Variants in RBFOX3 observed in about 807,000 individuals in gnomAD.
RBFOX3 encodes the protein RNA binding fox-1 homolog 3.
Under a neutral mutation model 48.7 loss-of-function variants are expected in RBFOX3, and 17 were observed. The observed-to-expected ratio is 0.35, with a 90% CI of 0.24 to 0.52. The LOEUF (loss-of-function observed/expected upper bound fraction) is 0.52. Ranked by LOEUF, RBFOX3 falls within the 20% of genes least tolerant of loss-of-function variation. The pLI is 0.94. For missense variants in RBFOX3, 382 were observed against 497.5 expected, an observed-to-expected ratio of 0.77 and a Z score of 2.21; for synonymous variants, 212 against 209.5, an observed-to-expected ratio of 1.01 and a Z score of -0.10.
chr17:79,333,903 T>C (rs950780402), intron 2 of RBFOX3, among the ~76,000 whole-genome samples: 7 of 152,040 alleles, frequency 4.6e-5, no homozygotes, highest in Non-Finnish European at 8.8e-5. Flanking sequence ...GATGCCGAGG[T>C]GTCTCCTCTG....
chr17:79,514,795 G>A (rs1301488548), intron 1 of RBFOX3, among the ~76,000 whole-genome samples: 2 of 152,216 alleles, frequency 1.3e-5, no homozygotes, highest in Non-Finnish European at 2.9e-5. Context: ...AGCTTGGGAA[G>A]GACAAAGATG....
intron 3 of RBFOX3, among the ~76,000 whole-genome samples, chr17:79,298,583 G>A (rs943120588): frequency 1.3e-5 from 2 of 152,172 alleles, no homozygotes; most frequent in African/African-American, 2.4e-5. Context: ...CATGCTTGGT[G>A]GAACACGGCA....
intron 2 of RBFOX3, among the ~76,000 whole-genome samples, chr17:79,425,971 C>A (rs566700184): frequency 6.6e-6 from 1 of 152,046 alleles, no homozygotes; most frequent in African/African-American, 2.4e-5. Context: ...AAGACAGACG[C>A]GGTGACCAGT....
chr17:79,389,675 G>C (rs933811146), intron 2 of RBFOX3, among the ~76,000 whole-genome samples: 2 of 152,196 alleles, frequency 1.3e-5, no homozygotes, highest in African/African-American at 4.8e-5. Flanking sequence ...CAGAGATCTG[G>C]GGTGGGACAG....
intron 1 of RBFOX3, among the ~76,000 whole-genome samples, chr17:79,567,486 G>A (rs2092510268): frequency 6.6e-6 from 1 of 152,092 alleles, no homozygotes; most frequent in Non-Finnish European, 1.5e-5. Context: ...CACCCAGCCA[G>A]GATTTACCTT....
At chr17:79,166,404 T>A (rs1169012245) in intron 4 of RBFOX3, among the ~76,000 whole-genome samples, 1 of 152,004 alleles carries the variant, frequency 6.6e-6, no homozygotes, top group Non-Finnish European at 1.5e-5. Flanking sequence ...GCAATGGGAA[T>A]GGCCGGAGGG....
At chr17:79,457,175 C>T (rs2074644423) in intron 2 of RBFOX3, among the ~76,000 whole-genome samples, 1 of 152,216 alleles carries the variant, frequency 6.6e-6, no homozygotes, top group Admixed American at 6.5e-5. Flanking sequence ...AAGGCCTGGG[C>T]CCATGTCCAG....
At chr17:79,381,458 C>T (rs1355143202) in intron 2 of RBFOX3, among the ~76,000 whole-genome samples, 4 of 152,212 alleles carry the variant, frequency 2.6e-5, no homozygotes, top group Non-Finnish European at 5.9e-5. Flanking sequence ...TCTGGCTGCA[C>T]TGTGAGTGCT....
rs1175275453 is a variant in RBFOX3 at position 79,249,631 on chromosome 17, C to T, written c.-73-13826G>A. On this transcript the variant is annotated intron_variant, in intron 3 of 14. Transcript: ENST00000693108. This position sits in a 1 kb window ranked among gnomAD's most constrained non-coding sequence, Gnocchi z 4.1. ...CAGACAATCAGATCCAGCCCCATAG[C>T]CCAGAGCTCACTGAAATGATCCAAA... Among the ~76,000 whole-genome samples, 4 of 152,118 alleles carry T rather than the reference C, an allele frequency of 2.6e-5. No individual in the cohort carries two copies. The highest frequency in any genetic ancestry group is 9.7e-5 in the African/African-American group (4 of 41,404).
Position 79,471,854 on chromosome 17 carries a change from G to T in RBFOX3, c.-175+10600C>A, listed in dbSNP as rs1324029171. On this transcript the variant is annotated intron_variant, in intron 2 of 14. Transcript: ENST00000693108. This position sits in a 1 kb window ranked among gnomAD's most constrained non-coding sequence, Gnocchi z 4.0. ...CGGGATCCCACCGTTCTCCAGGGTC[G>T]AGGGAGAACACTTCAAGAGAGGCGA... Among the ~76,000 whole-genome samples the T allele has an allele frequency of 6.6e-6, 1 of 152,128 alleles. No individual in the cohort carries two copies. The highest frequency in any genetic ancestry group is 1.9e-4 in the East Asian group (1 of 5,190).
intron 5 of RBFOX3, among the ~76,000 whole-genome samples, chr17:79,113,150 C>T (rs1397558597): frequency 6.6e-6 from 1 of 152,040 alleles, no homozygotes; most frequent in Admixed American, 6.5e-5. Flanking sequence ...CTGCTGATGA[C>T]CCAGGGACAG....
intron 2 of RBFOX3, among the ~76,000 whole-genome samples, chr17:79,310,355 C>G (rs28542604): frequency 0.5 from 75,405 of 151,910 alleles, 19,277 homozygotes; most frequent in East Asian, 0.62. Context: ...CTCCCCATGA[C>G]TGGTGCAAAC....
Position 79,220,702 on chromosome 17 carries a change from C to T in RBFOX3, c.-34+15064G>A, listed in dbSNP as rs1205762920. Among the ~76,000 whole-genome samples the T allele has an allele frequency of 6.6e-6, 1 of 152,122 alleles. No homozygotes were observed. Among genetic ancestry groups the T allele is most frequent in the Non-Finnish European group, 1.5e-5 (1 of 68,022 alleles). On this transcript the variant is annotated intron_variant, in intron 4 of 14. Coordinates refer to ENST00000693108, the MANE Select transcript of RBFOX3 (RefSeq NM_001350451.2). This position sits in a 1 kb window ranked among gnomAD's most constrained non-coding sequence, Gnocchi z 5.9. ...CTTTACTGAAGGTTAGAACAATTCT[C>T]ATAAGGTCCCTCTTGGCTTCAGAGG...
At position 79,255,670 on chromosome 17, in the gene RBFOX3, C is replaced by T. The variant is rs539244681; in HGVS notation, c.-73-19865G>A. ...AGTCAACACTGCATGGGCAGGGTGG[C>T]CGGTGCTCAGCAGCAGCACTGGGCC... On this transcript the variant is annotated intron_variant, in intron 3 of 14. Transcript: ENST00000693108. Among the ~76,000 whole-genome samples the T allele has an allele frequency of 3.3e-5, 5 of 152,162 alleles. No individual in the cohort carries two copies. In the South Asian group the frequency reaches 6.2e-4, roughly 19 times the overall value.
In RBFOX3 at chr17:79,356,917, C is replaced by T. The variant is rs376390339; in HGVS notation, c.-174-49093G>A. On this transcript the variant is annotated intron_variant, in intron 2 of 14. Coordinates refer to ENST00000693108, the MANE Select transcript of RBFOX3 (RefSeq NM_001350451.2). ...TCCGTCCCCCTCAGCCAGCTCCTGTCGGGCTGAGCCTCCCAGTGGCACTGA... is the reference window on the plus strand; with the variant it reads ...TCCGTCCCCCTCAGCCAGCTCCTGTTGGGCTGAGCCTCCCAGTGGCACTGA... 1.1e-4 allele frequency among the ~76,000 whole-genome samples: 16 copies of T among 152,284 alleles called. No individual in the cohort carries two copies. The East Asian group carries it at 2.1e-3, about 20-fold the overall frequency.
At chr17:79,321,684 G>A (rs1419189666) in intron 2 of RBFOX3, among the ~76,000 whole-genome samples, 4 of 150,406 alleles carry the variant, frequency 2.7e-5, no homozygotes, top group Non-Finnish European at 4.4e-5. Context: ...GGAATTGCGA[G>A]CCGGGCTTTC....
intron 2 of RBFOX3, among the ~76,000 whole-genome samples, chr17:79,325,655 C>A (rs1422754934): frequency 1.3e-5 from 2 of 152,188 alleles, no homozygotes; most frequent in East Asian, 3.8e-4. Context: ...CAATAAAAAA[C>A]AAAAAGCACA....
At chr17:79,338,187 C>T (rs1417125697) in intron 2 of RBFOX3, among the ~76,000 whole-genome samples, 5 of 152,164 alleles carry the variant, frequency 3.3e-5, no homozygotes, top group African/African-American at 9.7e-5. Flanking sequence ...GATCCACCCA[C>T]CTTAGCCTCC....
At chr17:79,308,356 G>T (rs1237898170) in intron 2 of RBFOX3, among the ~76,000 whole-genome samples, 1 of 152,234 alleles carries the variant, frequency 6.6e-6, no homozygotes, top group Admixed American at 6.5e-5. Context: ...TCGATGGGAA[G>T]TAAGGCTGTT....
Sources: gnomAD v4.1 joint callset for allele counts (sites outside exome capture counted in the v4.1 genomes callset) on GRCh38, gnomAD v4.1.1 for gene constraint, Gnocchi (gnomAD v3.1) non-coding constraint, MANE v1.5 for transcripts, NCBI Gene and HGNC (gene_info 2026-07-23, HGNC 2026-07-21) for gene names.